The following NBPF11 variants were observed in gnomAD, a reference collection of about 807,000 sequenced individuals.
NBPF11 encodes NBPF family member NBPF11.
In NBPF11, 72 loss-of-function variants were observed where a neutral mutation model predicts 93.9. That is an observed-to-expected ratio of 0.77 (90% confidence interval 0.63 to 0.93). The LOEUF (loss-of-function observed/expected upper bound fraction) is 0.93. Ranked by LOEUF, NBPF11 falls within the 40% of genes least tolerant of loss-of-function variation. NBPF11 has a pLI of 0.00. For missense variants in NBPF11, 705 were observed against 802.2 expected (o/e 0.88, Z 1.46); for synonymous variants, 224 against 304.9 (o/e 0.73, Z 2.76).
chr1:148,146,168 G>T lies in NBPF11; in HGVS notation c.-548-2482C>A, dbSNP rs1292110562. Among the ~76,000 whole-genome samples, 3 of 151,676 alleles carry T rather than the reference G, an allele frequency of 2.0e-5. No homozygotes were observed. In the South Asian group the frequency reaches 6.2e-4, roughly 31 times the overall value. On this transcript the variant is annotated intron_variant, in intron 1 of 23. Coordinates refer to ENST00000682118, the MANE Select transcript of NBPF11 (RefSeq NM_001385469.3). ...GCGCGGGCCGGGGTGGGCTTCCCAC[G>T]GCACGACATGGAGACCTGTGGTTGC...
Position 148,107,751 on chromosome 1 carries a change from A to T in NBPF11, c.2038T>A (p.Tyr680Asn). Residue 680 changes from tyrosine (Y) to asparagine (N), a missense_variant, in exon 19 of 24, where the codon TAC becomes AAC. By Grantham distance (143) the Tyr-to-Asn change is moderately radical. Transcript: ENST00000682118. ...TCTTGGTCTTCTTCCACTTCTTGGT[A>T]CTTTTCAATTTCTGCAATAAGTTCA... Reference protein sequence around the residue: ...LAVDMDEIEKYQEVEEDQDPS... With the variant: ...LAVDMDEIEKNQEVEEDQDPS... The T allele has an allele frequency of 1.1e-6, 1 of 889,872 alleles. No homozygotes were observed. Among genetic ancestry groups the T allele is most frequent in the Non-Finnish European group, 1.9e-6 (1 of 528,432 alleles). The allele number at this position is 889,872 out of a possible 1,614,324, so 55.1% of individuals were successfully genotyped here.
At chr1:148,116,197 G>C (rs1181609187) in intron 13 of NBPF11, among the ~76,000 whole-genome samples, 199 bp from the exon 14 acceptor site, 670 of 151,640 alleles carry the variant, frequency 4.4e-3, no homozygotes, top group African/African-American at 0.015. Flanking sequence ...GAGAGGAAGA[G>C]AGCAGCTGCT....
chr1:148,115,680 G>T (rs1444703322), intron 14 of NBPF11, 113 bp downstream of exon 14: 84 of 1,161,044 alleles, frequency 7.2e-5, no homozygotes, highest in Non-Finnish European at 9.6e-5. Flanking sequence ...TATCTGTTTA[G>T]AAACCCATCA....
At chr1:148,143,212 C>T (rs1285264664) in intron 2 of NBPF11, among the ~76,000 whole-genome samples, 11 of 152,090 alleles carry the variant, frequency 7.2e-5, no homozygotes, top group African/African-American at 2.4e-4. Flanking sequence ...TCACTTTCAC[C>T]CGACCATGGC....
At chr1:148,108,461 C>A (rs1316335024) in intron 18 of NBPF11, 21 bp downstream of exon 18, 5 of 1,466,412 alleles carry the variant, frequency 3.4e-6, no homozygotes, top group African/African-American at 1.5e-5. Context: ...ATCCTTATCA[C>A]CTTCATAGAA....
rs1663328344 is a variant in NBPF11 at position 148,105,487 on chromosome 1, A to G, written c.2345T>C (p.Leu782Ser). 8.3e-6 allele frequency: 9 copies of G among 1,078,998 alleles called. No homozygotes were observed. Among genetic ancestry groups the G allele is most frequent in the Non-Finnish European group, 1.2e-5 (9 of 735,426 alleles). 66.8% of individuals were successfully genotyped at this position (1,078,998 alleles called of 1,614,324 possible). A position where few individuals can be genotyped will look rare whatever the true frequency, so the allele number is the denominator to read the frequency against. ...ELLEVVEPEV[L>S]QDSLDVIQLL... is the part of the protein sequence containing the mutation. ...TTGAATAACATCCAGTGAGTCCTGC[A>G]AGACTTCAGGCTCTACTACCTCCAG... Residue 782 changes from leucine (L) to serine (S), a missense_variant, in exon 22 of 24, where the codon TTG becomes TCG. Leu to Ser is a moderately radical substitution (Grantham distance 145, BLOSUM62 -2). Transcript: ENST00000682118.
intron 2 of NBPF11, among the ~76,000 whole-genome samples, chr1:148,139,538 C>A (rs1671866722): frequency 6.8e-6 from 1 of 147,772 alleles, no homozygotes; most frequent in South Asian, 2.1e-4. Flanking sequence ...GATGGCTGCA[C>A]AATTCGATAA....
chr1:148,108,335 C>G, intron 18 of NBPF11, 147 bp downstream of exon 18: 1 of 664,480 alleles, frequency 1.5e-6, no homozygotes, highest in Non-Finnish European at 2.7e-6. Flanking sequence ...CCAAGTGGAA[C>G]TAGAGTTTCA....
At chr1:148,134,975 A>G (rs1417526289) in intron 4 of NBPF11, 1 of 151,550 alleles carries the variant, frequency 6.6e-6, no homozygotes. Flanking sequence ...CCTGAATTAA[A>G]GCTGATGGGA....
At chr1:148,132,737 T>G (rs1460481554) in intron 4 of NBPF11, among the ~76,000 whole-genome samples, 3 of 45,554 alleles carry the variant, frequency 6.6e-5, no homozygotes, top group African/African-American at 3.5e-4. Context: ...TTTTTTTTTT[T>G]TTTTTTTTTT....
At chr1:148,151,391 T>A (rs1323070428) in intron 1 of NBPF11, among the ~76,000 whole-genome samples, 4 of 151,944 alleles carry the variant, frequency 2.6e-5, no homozygotes, top group Non-Finnish European at 5.9e-5. Context: ...GCCCCTCAAG[T>A]TCCCAGAAAG....
chr1:148,146,167 C>G (rs1553276787), intron 1 of NBPF11, among the ~76,000 whole-genome samples: 3 of 151,614 alleles, frequency 2.0e-5, no homozygotes, highest in Non-Finnish European at 4.4e-5. Flanking sequence ...GGGCTTCCCA[C>G]GGCACGACAT....
intron 2 of NBPF11, among the ~76,000 whole-genome samples, chr1:148,140,697 G>A (rs1217667917): frequency 6.6e-6 from 1 of 151,752 alleles, no homozygotes; most frequent in Non-Finnish European, 1.5e-5. Flanking sequence ...TTAAAACAAC[G>A]AGATATCACC....
In NBPF11 at chr1:148,121,347, AC is replaced by A. The variant is rs1242932438; in HGVS notation, c.779-638del. Among the ~76,000 whole-genome samples the A allele has an allele frequency of 1.5e-5, 2 of 134,336 alleles. 1 individual carries two copies. Among genetic ancestry groups the A allele is most frequent in the African/African-American group, 5.7e-5 (2 of 34,946 alleles). 88.1% of individuals were successfully genotyped at this position (134,336 alleles called of 152,430 possible). On this transcript the variant is annotated intron_variant, in intron 9 of 23. Coordinates refer to ENST00000682118, the MANE Select transcript of NBPF11 (RefSeq NM_001385469.3). ...TGTGAGCCAGCGTCCCTGGTCAGAGACTTTTTTTTTTTTTTTTTGAGATGCA... is the reference window on the plus strand; with the variant it reads ...TGTGAGCCAGCGTCCCTGGTCAGAGATTTTTTTTTTTTTTTTTGAGATGCA...
At chr1:148,122,413 C>G in intron 8 of NBPF11, 147 bp from the exon 9 acceptor site, 1 of 1,387,306 alleles carries the variant, frequency 7.2e-7, no homozygotes, top group East Asian at 2.3e-5. Context: ...AACAGGCAAT[C>G]CTCTTCTCTC....
intron 3 of NBPF11, among the ~76,000 whole-genome samples, chr1:148,136,747 C>T (rs1173041135): frequency 4.0e-5 from 6 of 151,826 alleles, no homozygotes; most frequent in Non-Finnish European, 7.4e-5. Flanking sequence ...ATGCCTGTCC[C>T]ATCATTTCAC....
Position 148,115,820 on chromosome 1 carries a change from A to G in NBPF11, c.1558T>C (p.Trp520Arg), listed in dbSNP as rs1439627823. The G allele has an allele frequency of 1.0e-5, 16 of 1,585,780 alleles. No homozygotes were observed. The African/African-American group carries it at 1.4e-4, about 14-fold the overall frequency. The change falls in exon 14 of 24, where the codon TGG becomes CGG. Residue 520 changes from tryptophan (W) to arginine (R), a missense_variant. Transcript: ENST00000682118. ...TLIGSSSHVE[W>R]EDAVHIIPEN... is the part of the protein sequence containing the mutation. Reference sequence around the variant, plus strand: ...GGGATAATGTGTACAGCATCCTCCCATTCAACATGAGAGGATGAGCCAATG... The same window carrying G: ...GGGATAATGTGTACAGCATCCTCCCGTTCAACATGAGAGGATGAGCCAATG...
Position 148,112,192 on chromosome 1 carries a change from C to T in NBPF11, c.1638-1651G>A, listed in dbSNP as rs28792730. ...TTAATACTTTAAGTCTTAGGGTACA[C>T]GTGCACAACGTGCAGCTTAGTTACA... On this transcript the variant is annotated intron_variant, in intron 15 of 23. Transcript: ENST00000682118. 1.0e-3 allele frequency among the ~76,000 whole-genome samples: 155 copies of T among 147,678 alleles called. 1 individual carries two copies. The highest frequency in any genetic ancestry group is 1.8e-3 in the Non-Finnish European group (123 of 67,384).
intron 8 of NBPF11, 87 bp from the exon 9 acceptor site, chr1:148,122,353 G>A: frequency 6.3e-7 from 1 of 1,596,658 alleles, no homozygotes. Flanking sequence ...TTGACAAGCG[G>A]CATTAAGAGA....
Sources: gnomAD v4.1 joint callset for allele counts (sites outside exome capture counted in the v4.1 genomes callset) on GRCh38, gnomAD v4.1.1 for gene constraint, MANE v1.5 for transcripts, NCBI Gene and HGNC (gene_info 2026-07-23, HGNC 2026-07-21) for gene names.